The following KCNT2 variants were observed in gnomAD, a reference collection of about 807,000 sequenced individuals.
KCNT2 encodes the protein potassium sodium-activated channel subfamily T member 2.
In KCNT2, 67 loss-of-function variants were observed where a neutral mutation model predicts 153.8. The ratio of observed to expected loss-of-function variants is 0.44; its 90% CI spans 0.36 to 0.53. The LOEUF is 0.53. Among genes scored for constraint, KCNT2 ranks in the 20% least tolerant of loss-of-function variants. The probability of loss-of-function intolerance (pLI) is 0.00; values close to 1 mark genes in which losing one functional copy is unlikely to be tolerated. For missense variants in KCNT2, 975 were observed against 1,354.8 expected (o/e 0.72, Z 4.40); for synonymous variants, 500 against 458.8 (o/e 1.09, Z -1.15).
At chr1:196,422,999 A>G (rs1673340510) in intron 12 of KCNT2, 51 bp downstream of exon 12, 1 of 1,225,988 alleles carries the variant, frequency 8.2e-7, no homozygotes, top group Non-Finnish European at 1.1e-6. Context: ...ATTAAAAAAA[A>G]TCTTCTAAAA....
intron 14 of KCNT2, among the ~76,000 whole-genome samples, chr1:196,350,165 A>G (rs571962331): frequency 1.4e-4 from 21 of 152,308 alleles, no homozygotes; most frequent in African/African-American, 5.1e-4. Context: ...CGCAATAAAC[A>G]TACGTGTGCA....
intron 14 of KCNT2, among the ~76,000 whole-genome samples, chr1:196,349,671 T>C (rs1666457686): frequency 6.6e-6 from 1 of 151,708 alleles, no homozygotes; most frequent in African/African-American, 2.4e-5. Context: ...GGTCAAACCT[T>C]TTTATTTTAT....
At chr1:196,416,356 A>C (rs897585320) in intron 12 of KCNT2, among the ~76,000 whole-genome samples, 2 of 152,112 alleles carry the variant, frequency 1.3e-5, no homozygotes, top group Admixed American at 1.3e-4. Flanking sequence ...TGAGGTTGCC[A>C]AGATCTATAG....
At chr1:196,316,952 GTTAA>G (rs1163460985) in intron 20 of KCNT2, among the ~76,000 whole-genome samples, 3 of 151,696 alleles carry the variant, frequency 2.0e-5, no homozygotes, top group African/African-American at 7.3e-5. Context: ...GAAAAGATAG[GTTAA>G]TTGATTTCCG....
chr1:196,274,139 T>C (rs966821064), intron 25 of KCNT2, among the ~76,000 whole-genome samples: 3 of 151,622 alleles, frequency 2.0e-5, no homozygotes, highest in African/African-American at 7.2e-5. Context: ...AGCTTTCATA[T>C]TGGCTATGGA....
chr1:196,260,027 G>A (rs1050177756), intron 25 of KCNT2, among the ~76,000 whole-genome samples: 3 of 151,738 alleles, frequency 2.0e-5, no homozygotes, highest in Non-Finnish European at 4.4e-5. Flanking sequence ...ATATCAATAT[G>A]TATTTAGTAA....
chr1:196,366,701 A>G (rs71631850), intron 14 of KCNT2, among the ~76,000 whole-genome samples: 5,466 of 152,142 alleles, frequency 0.036, 147 homozygotes, highest in Middle Eastern at 0.095. Flanking sequence ...TTTTCTCCAT[A>G]GCACTACTGC....
chr1:196,235,515 T>C (rs1654352775), intron 27 of KCNT2, among the ~76,000 whole-genome samples: 1 of 151,466 alleles, frequency 6.6e-6, no homozygotes, highest in Non-Finnish European at 1.5e-5. Context: ...TGCCTTAGTC[T>C]TTCTATCTCA....
Position 196,255,374 on chromosome 1 carries a change from A to C in KCNT2, c.3211+2820T>G, listed in dbSNP as rs182636118. 1.0e-3 allele frequency among the ~76,000 whole-genome samples: 156 copies of C among 151,880 alleles called. 1 individual carries two copies. The highest frequency in any genetic ancestry group is 3.1e-4 in the Non-Finnish European group (21 of 67,722). On this transcript the variant is annotated intron_variant, in intron 26 of 27. Coordinates refer to ENST00000294725, the MANE Select transcript of KCNT2 (RefSeq NM_198503.5). Reference sequence around the variant, plus strand: ...CACGGCTTGTCCAACTTGGAGGTGAATATATTTTAAAAATTATATTGAAGA... The same window carrying C: ...CACGGCTTGTCCAACTTGGAGGTGACTATATTTTAAAAATTATATTGAAGA...
At chr1:196,421,872 T>C (rs1412286654) in intron 12 of KCNT2, among the ~76,000 whole-genome samples, 1 of 152,052 alleles carries the variant, frequency 6.6e-6, no homozygotes, top group Non-Finnish European at 1.5e-5. Flanking sequence ...TTGGCATGTA[T>C]ATTGCCGTCT....
rs553550061 is a variant in KCNT2, at chr1:196,455,486, T to C, written c.638+9807A>G. ...GGTTTTTTTCTAATATTTTAATCTC[T>C]AGACTCACATCTTTCCTCAAAACAG... On this transcript the variant is annotated intron_variant, in intron 8 of 27. Transcript: ENST00000294725. Among the ~76,000 whole-genome samples the C allele has an allele frequency of 2.0e-5, 3 of 152,164 alleles. No individual in the cohort carries two copies. In the East Asian group the frequency reaches 5.8e-4, roughly 30 times the overall value.
At chr1:196,548,540 C>T (rs922424409) in intron 1 of KCNT2, among the ~76,000 whole-genome samples, 3 of 152,090 alleles carry the variant, frequency 2.0e-5, no homozygotes, top group Non-Finnish European at 2.9e-5. Flanking sequence ...AATAGGAACA[C>T]TTTTACACTG....
chr1:196,310,256 C>T (rs1337650666), intron 21 of KCNT2, among the ~76,000 whole-genome samples: 3 of 151,848 alleles, frequency 2.0e-5, no homozygotes, highest in East Asian at 3.9e-4. Context: ...AGGGGGTATA[C>T]ATTAATAGGA....
chr1:196,228,846 A>T (rs1252721178), intron 27 of KCNT2, among the ~76,000 whole-genome samples: 3 of 152,108 alleles, frequency 2.0e-5, no homozygotes, highest in Admixed American at 6.6e-5. Context: ...TTCAATTTAA[A>T]TATTTTATGA....
chr1:196,267,041 C>T (rs949200957), intron 25 of KCNT2, among the ~76,000 whole-genome samples: 8 of 152,182 alleles, frequency 5.3e-5, no homozygotes, highest in African/African-American at 1.9e-4. Context: ...TATAGCTTTT[C>T]TTTATCTTCA....
At chr1:196,550,616 G>A (rs1023746861) in intron 1 of KCNT2, among the ~76,000 whole-genome samples, 4 of 151,862 alleles carry the variant, frequency 2.6e-5, no homozygotes, top group African/African-American at 7.2e-5. Flanking sequence ...TTTTATCCAT[G>A]TACAAATGGC....
At chr1:196,356,511 CA>C (rs1169908735) in intron 14 of KCNT2, among the ~76,000 whole-genome samples, 4 of 151,174 alleles carry the variant, frequency 2.6e-5, no homozygotes, top group Admixed American at 6.6e-5. Flanking sequence ...AAATTTTGAT[CA>C]AAAAAAATTA....
At chr1:196,232,912 T>G (rs577068339) in intron 27 of KCNT2, among the ~76,000 whole-genome samples, 9 of 151,442 alleles carry the variant, frequency 5.9e-5, no homozygotes, top group Admixed American at 5.3e-4. Context: ...GTAAGCATAA[T>G]TTTTTAAATT....
At chr1:196,233,637 A>C (rs1654152808) in intron 27 of KCNT2, among the ~76,000 whole-genome samples, 1 of 151,502 alleles carries the variant, frequency 6.6e-6, no homozygotes, top group Admixed American at 6.6e-5. Flanking sequence ...TTATACTTTA[A>C]ATAACATATT....
Sources: allele counts gnomAD v4.1 joint callset (sites outside exome capture counted in the v4.1 genomes callset), GRCh38; gene constraint gnomAD v4.1.1; transcripts MANE v1.5; gene names NCBI Gene and HGNC (gene_info 2026-07-23, HGNC 2026-07-21).